The following CADPS variants were observed in gnomAD, a reference collection of about 807,000 sequenced individuals.
CADPS encodes calcium-dependent secretion activator 1.
CADPS carries 57 observed loss-of-function variants against 167.3 expected under a neutral mutation model. The observed-to-expected ratio is 0.34, with a 90% CI of 0.28 to 0.42. The LOEUF (loss-of-function observed/expected upper bound fraction) is 0.42, where lower values mean the gene tolerates loss of function less well. Among genes scored for constraint, CADPS ranks in the 20% least tolerant of loss-of-function variants. The pLI, the probability that CADPS is intolerant of heterozygous loss-of-function variation, is 1.00. For missense variants in CADPS, 1,414 were observed against 1,738.1 expected (o/e 0.81, Z 3.32); for synonymous variants, 676 against 635.3 (o/e 1.06, Z -0.96).
At position 62,478,509 on chromosome 3, in the gene CADPS, C is replaced by G. The variant is rs986108004; in HGVS notation, c.3174-93G>C. 85 of 1,188,882 alleles carry G rather than the reference C, an allele frequency of 7.1e-5. No individual in the cohort carries two copies. The African/African-American group carries it at 1.1e-3, about 15-fold the overall frequency. The allele number at this position is 1,188,882 out of a possible 1,614,324, so 73.6% of individuals were successfully genotyped here. ...AGACAACTGGGGGCTAGAAGGCAAA[C>G]AGCAGCTTCAACATACAAAACAACG... On this transcript the variant is annotated intron_variant, in intron 22 of 29. Coordinates refer to ENST00000383710, the MANE Select transcript of CADPS (RefSeq NM_003716.4). The surrounding 1 kb of genome is among the most constrained non-coding windows in gnomAD (Gnocchi z 5.7).
intron 3 of CADPS, among the ~76,000 whole-genome samples, chr3:62,732,145 A>C (rs2078028192): frequency 6.6e-6 from 1 of 152,118 alleles, no homozygotes; most frequent in Admixed American, 6.5e-5. Context: ...CTGCCTTGGT[A>C]TTCATGCCCT....
At chr3:62,620,247 C>T (rs1190035380) in intron 6 of CADPS, among the ~76,000 whole-genome samples, 1 of 152,048 alleles carries the variant, frequency 6.6e-6, no homozygotes, top group Non-Finnish European at 1.5e-5. Flanking sequence ...TTCCAGTTCA[C>T]TCATTAAAGA....
At chr3:62,558,639 C>T (rs1241939631) in intron 9 of CADPS, among the ~76,000 whole-genome samples, 2 of 152,152 alleles carry the variant, frequency 1.3e-5, no homozygotes, top group Admixed American at 6.5e-5. Flanking sequence ...TTGACGCTCT[C>T]GAGTGCTACA....
Position 62,433,590 on chromosome 3 carries a change from G to A in CADPS, c.3777+4514C>T, listed in dbSNP as rs1040082337. Among the ~76,000 whole-genome samples the A allele has an allele frequency of 6.6e-5, 10 of 152,048 alleles. No homozygotes were observed. Among genetic ancestry groups the A allele is most frequent in the African/African-American group, 2.4e-4 (10 of 41,392 alleles). Reference sequence around the variant, plus strand: ...CCCTGGGCCTGGTTCCCAATGACACGGGGCCTGAAGAAAGCCAGTGCGGAT... The same window carrying A: ...CCCTGGGCCTGGTTCCCAATGACACAGGGCCTGAAGAAAGCCAGTGCGGAT... On this transcript the variant is annotated intron_variant, in intron 28 of 29. Transcript: ENST00000383710. This position sits in a 1 kb window ranked among gnomAD's most constrained non-coding sequence, Gnocchi z 4.7.
At chr3:62,579,360 T>C (rs992292776) in intron 8 of CADPS, among the ~76,000 whole-genome samples, 2 of 152,210 alleles carry the variant, frequency 1.3e-5, no homozygotes, top group Non-Finnish European at 2.9e-5. Flanking sequence ...CACTGGACTT[T>C]TGCTACATGT....
intron 13 of CADPS, among the ~76,000 whole-genome samples, chr3:62,527,102 C>T (rs1561682817): frequency 6.6e-6 from 1 of 152,126 alleles, no homozygotes; most frequent in Non-Finnish European, 1.5e-5. Flanking sequence ...TATAAAATCC[C>T]CACATGATTT....
intron 5 of CADPS, among the ~76,000 whole-genome samples, chr3:62,648,596 A>C (rs1207110604): frequency 1.3e-5 from 2 of 148,734 alleles, no homozygotes; most frequent in African/African-American, 4.9e-5. Flanking sequence ...TGAGGTGGGA[A>C]GATCACTTGA....
At chr3:62,520,029 A>G (rs2070071476) in intron 13 of CADPS, among the ~76,000 whole-genome samples, 3 of 152,230 alleles carry the variant, frequency 2.0e-5, no homozygotes, top group Non-Finnish European at 2.9e-5. Context: ...AACTGGGGGA[A>G]AAATGGAGCA....
At chr3:62,779,661 G>A (rs1277346257) in intron 1 of CADPS, 3 of 523,210 alleles carry the variant, frequency 5.7e-6, no homozygotes, top group African/African-American at 3.9e-5. Context: ...CCTTACCTGA[G>A]TGCAAGGTCC....
chr3:62,543,233 T>C (rs568513461), intron 11 of CADPS, among the ~76,000 whole-genome samples: 1 of 152,210 alleles, frequency 6.6e-6, no homozygotes, highest in South Asian at 2.1e-4. Flanking sequence ...TAATATTGAA[T>C]TAATTATTTG....
At chr3:62,500,881 G>T (rs772863654) in intron 17 of CADPS, among the ~76,000 whole-genome samples, 7 of 152,126 alleles carry the variant, frequency 4.6e-5, no homozygotes, top group African/African-American at 1.7e-4. Context: ...AGTAATTTAG[G>T]ATTTAATAAT....
At chr3:62,711,223 T>C (rs981362439) in intron 3 of CADPS, among the ~76,000 whole-genome samples, 10 of 152,294 alleles carry the variant, frequency 6.6e-5, no homozygotes, top group African/African-American at 2.4e-4. Flanking sequence ...TAATAGGTAT[T>C]TATTTATTCA....
At chr3:62,693,730 A>T (rs547336316) in intron 3 of CADPS, among the ~76,000 whole-genome samples, 1 of 151,194 alleles carries the variant, frequency 6.6e-6, no homozygotes, top group African/African-American at 2.4e-5. Context: ...GGTTGTAGTG[A>T]GCCGAGATTG....
At chr3:62,649,212 T>A (rs777606957) in intron 5 of CADPS, among the ~76,000 whole-genome samples, 3 of 152,138 alleles carry the variant, frequency 2.0e-5, no homozygotes, top group Non-Finnish European at 4.4e-5. Context: ...GTTCTCAAAT[T>A]TTGGAGTGGA....
In CADPS at chr3:62,465,477, A is replaced by G. The variant is rs770354818; in HGVS notation, c.3553-27T>C. On this transcript the variant is annotated intron_variant, in intron 25 of 29. Coordinates refer to ENST00000383710, the MANE Select transcript of CADPS (RefSeq NM_003716.4). The surrounding 1 kb of genome is among the most constrained non-coding windows in gnomAD (Gnocchi z 4.1). ...TAGAAAAACAGCAAAAAAGAAAAAA[A>G]TGTTATTTCAAACTATAATTGTTCA... 1 of 1,494,366 alleles carries G rather than the reference A, an allele frequency of 6.7e-7. No individual in the cohort carries two copies. Among genetic ancestry groups the G allele is most frequent in the Admixed American group, 1.8e-5 (1 of 56,176 alleles). The allele number at this position is 1,494,366 out of a possible 1,614,324, so 92.6% of individuals were successfully genotyped here. A position where few individuals can be genotyped will look rare whatever the true frequency, so the allele number is the denominator to read the frequency against.
Position 62,544,811 on chromosome 3 carries a change from A to G in CADPS, c.1966+5092T>C. 8.8e-7 allele frequency: 1 copy of G among 1,134,512 alleles called. No individual in the cohort carries two copies. Among genetic ancestry groups the G allele is most frequent in the South Asian group, 1.7e-5 (1 of 57,732 alleles). 70.3% of individuals were successfully genotyped at this position (1,134,512 alleles called of 1,614,324 possible). ...TGCAGGTGTCAGATAATCTAATCTG[A>G]TTATCTGAGCTGTGCTAGCTATAGG... is the stretch of plus-strand genomic sequence containing the variant. On this transcript the variant is annotated intron_variant, in intron 11 of 29. Coordinates refer to ENST00000383710, the MANE Select transcript of CADPS (RefSeq NM_003716.4). This position sits in a 1 kb window ranked among gnomAD's most constrained non-coding sequence, Gnocchi z 4.4.
rs1189268979 is a variant in CADPS, at chr3:62,518,253, G to T, written c.2292-3C>A. ...TCACAGTTCCAATTCCATCAGGCCTGAAAGAAGACATGTCATGAAATGACG... is the reference window on the plus strand; with the variant it reads ...TCACAGTTCCAATTCCATCAGGCCTTAAAGAAGACATGTCATGAAATGACG... On this transcript the variant is annotated splice_polypyrimidine_tract_variant and splice_region_variant and intron_variant, in intron 13 of 29. Coordinates refer to ENST00000383710, the MANE Select transcript of CADPS (RefSeq NM_003716.4). 1 of 1,606,544 alleles carries T rather than the reference G, an allele frequency of 6.2e-7. No individual in the cohort carries two copies. Among genetic ancestry groups the T allele is most frequent in the Non-Finnish European group, 8.5e-7 (1 of 1,174,828 alleles).
chr3:62,416,826 T>A (rs2050153209), intron 28 of CADPS, among the ~76,000 whole-genome samples: 1 of 152,112 alleles, frequency 6.6e-6, no homozygotes, highest in African/African-American at 2.4e-5. Context: ...CAGAGGGATT[T>A]AACTCTAAGT....
chr3:62,552,959 A>G (rs543275905), intron 10 of CADPS, among the ~76,000 whole-genome samples: 4 of 152,194 alleles, frequency 2.6e-5, no homozygotes, highest in Non-Finnish European at 5.9e-5. Context: ...ATAGCACAAT[A>G]AAAAGGAAAA....
Sources: allele counts gnomAD v4.1 joint callset (sites outside exome capture counted in the v4.1 genomes callset), GRCh38; gene constraint gnomAD v4.1.1; non-coding constraint Gnocchi (gnomAD v3.1); transcripts MANE v1.5; gene names NCBI Gene and HGNC (gene_info 2026-07-23, HGNC 2026-07-21).